The following RBFOX1 variants were observed in gnomAD, a reference collection of about 807,000 sequenced individuals.
RBFOX1 encodes the protein RNA binding fox-1 homolog 1.
RBFOX1 carries 8 observed loss-of-function variants against 57.7 expected under a neutral mutation model. The observed-to-expected ratio is 0.14, with a 90% CI of 0.08 to 0.25. The LOEUF (loss-of-function observed/expected upper bound fraction) is 0.25. Ranked by LOEUF, RBFOX1 falls within the 10% of genes least tolerant of loss-of-function variation. The pLI is 1.00. For synonymous variants in RBFOX1, 326 were observed against 222.4 expected (o/e 1.47, Z -4.15); for missense variants, 611 against 548.5 (o/e 1.11, Z -1.14).
intron 4 of RBFOX1, among the ~76,000 whole-genome samples, chr16:7,064,627 C>G (rs2055483448): frequency 6.6e-6 from 1 of 152,188 alleles, no homozygotes; most frequent in Non-Finnish European, 1.5e-5. Context: ...TGGCCTCCAG[C>G]ACTGTGGGGA....
chr16:5,787,008 T>A (rs1228826374), intron 3 of RBFOX1, among the ~76,000 whole-genome samples: 1 of 152,144 alleles, frequency 6.6e-6, no homozygotes, highest in African/African-American at 2.4e-5. Context: ...CGGTGGCAGA[T>A]GCCTGTAATC....
intron 4 of RBFOX1, among the ~76,000 whole-genome samples, chr16:6,012,696 T>G (rs7192521): frequency 0.26 from 40,029 of 152,116 alleles, 5,422 homozygotes; most frequent in East Asian, 0.37. Context: ...GCCCGTTGAT[T>G]TAGCAGCTTC....
At chr16:6,655,107 C>T (rs573236706) in intron 3 of RBFOX1, among the ~76,000 whole-genome samples, 26 of 151,822 alleles carry the variant, frequency 1.7e-4, no homozygotes, top group Admixed American at 5.2e-4. Flanking sequence ...GGTGTGGTGG[C>T]TCATGCCTAT....
intron 3 of RBFOX1, among the ~76,000 whole-genome samples, chr16:5,606,060 C>T (rs913054763): frequency 4.6e-5 from 7 of 152,112 alleles, no homozygotes; most frequent in Non-Finnish European, 1.0e-4. Context: ...AGAGGTTGCC[C>T]GTGGCATGTC....
At chr16:6,967,037 C>T (rs117490186) in intron 3 of RBFOX1, among the ~76,000 whole-genome samples, 2,632 of 152,212 alleles carry the variant, frequency 0.017, 35 homozygotes, top group Middle Eastern at 0.034. Flanking sequence ...CTTATCTGTA[C>T]GTGCATCCAC....
At chr16:6,373,715 T>C (rs1202214084) in intron 2 of RBFOX1, among the ~76,000 whole-genome samples, 1 of 152,084 alleles carries the variant, frequency 6.6e-6, no homozygotes, top group African/African-American at 2.4e-5. Context: ...GGTTAGGGGA[T>C]GGTTGGATGA....
chr16:5,522,155 T>A (rs1456779186), intron 2 of RBFOX1, among the ~76,000 whole-genome samples: 1 of 152,230 alleles, frequency 6.6e-6, no homozygotes, highest in African/African-American at 2.4e-5. Context: ...GCTCAGCTCC[T>A]CTCCATTTTG....
chr16:5,339,470 G>GTTTTTTTTTTTTTT lies in RBFOX1; in HGVS notation c.219+99382_219+99395dup, dbSNP rs560472298. On this transcript the variant is annotated intron_variant, in intron 1 of 2. Coordinates refer to the RBFOX1 transcript ENST00000585867. ...AAAAGCTAGAAGCTGCTTTTTCCGT[G>GTTTTTTTTTTTTTT]TTTTTTTTTTTTTTTTTTTTTTTTT... Among the ~76,000 whole-genome samples, 392 of 40,886 alleles carry GTTTTTTTTTTTTTT rather than the reference G, an allele frequency of 9.6e-3. 130 individuals carry two copies. Among genetic ancestry groups the GTTTTTTTTTTTTTT allele is most frequent in the Non-Finnish European group, 0.013 (296 of 22,196 alleles). 26.8% of individuals were successfully genotyped at this position (40,886 alleles called of 152,430 possible).
At chr16:7,276,051 A>G (rs1186380780) in intron 4 of RBFOX1, among the ~76,000 whole-genome samples, 1 of 152,230 alleles carries the variant, frequency 6.6e-6, no homozygotes, top group Non-Finnish European at 1.5e-5. Context: ...TTCTGATTGA[A>G]AAGGCAATAA....
At chr16:7,688,252 T>TGA (rs1394417264) in intron 14 of RBFOX1, among the ~76,000 whole-genome samples, 3 of 109,914 alleles carry the variant, frequency 2.7e-5, no homozygotes, top group African/African-American at 1.0e-4. Flanking sequence ...TGTGTGTGTG[T>TGA]GTGTGTGTGA....
intron 3 of RBFOX1, among the ~76,000 whole-genome samples, chr16:6,868,158 C>G (rs1480120090): frequency 6.6e-6 from 1 of 152,024 alleles, no homozygotes; most frequent in Non-Finnish European, 1.5e-5. Context: ...ATAATTATTC[C>G]TATATTTTTT....
At chr16:5,886,447 A>G (rs945240266) in intron 4 of RBFOX1, among the ~76,000 whole-genome samples, 1 of 152,240 alleles carries the variant, frequency 6.6e-6, no homozygotes, top group Non-Finnish European at 1.5e-5. Context: ...TTGGCGTATG[A>G]ATTCTTCTGA....
intron 1 of RBFOX1, among the ~76,000 whole-genome samples, chr16:6,261,400 T>G (rs962328409): frequency 2.6e-5 from 4 of 152,218 alleles, no homozygotes; most frequent in African/African-American, 9.6e-5. Context: ...AAAAGCAACT[T>G]CCAAACAACT....
intron 1 of RBFOX1, among the ~76,000 whole-genome samples, chr16:6,112,316 C>T (rs1277445499): frequency 1.3e-5 from 2 of 152,130 alleles, no homozygotes; most frequent in East Asian, 1.9e-4. Flanking sequence ...AAATGTTTAT[C>T]CGATATGTGC....
At chr16:5,676,114 G>C (rs992657879) in intron 3 of RBFOX1, among the ~76,000 whole-genome samples, 2 of 152,120 alleles carry the variant, frequency 1.3e-5, no homozygotes, top group African/African-American at 2.4e-5. Context: ...GGGGGAGGGA[G>C]AGCATTAGGA....
At chr16:5,386,581 C>G (rs903458297) in intron 1 of RBFOX1, among the ~76,000 whole-genome samples, 3 of 152,144 alleles carry the variant, frequency 2.0e-5, no homozygotes, top group Non-Finnish European at 2.9e-5. Flanking sequence ...CAGCCCCACT[C>G]TCTCTTAACC....
intron 3 of RBFOX1, among the ~76,000 whole-genome samples, chr16:6,677,998 A>G (rs1448077440): frequency 2.0e-5 from 3 of 152,234 alleles, no homozygotes. Context: ...GTAATGTTAC[A>G]TTTTCTAGTA....
At chr16:5,454,868 TTCTTTCTTTCTTTC>T (rs1310444423) in intron 1 of RBFOX1, among the ~76,000 whole-genome samples, 5 of 76,498 alleles carry the variant, frequency 6.5e-5, no homozygotes, top group Non-Finnish European at 1.2e-4. Context: ...CTTTCTTTCT[TTCTTTCTTTCTTTC>T]TTTCTTTCTT....
chr16:6,570,597 C>T (rs2097331815), intron 2 of RBFOX1, among the ~76,000 whole-genome samples: 1 of 152,038 alleles, frequency 6.6e-6, no homozygotes, highest in African/African-American at 2.4e-5. Context: ...TATTGTTTAT[C>T]TGTATCTCTA....
Sources: gnomAD v4.1 joint callset for allele counts (sites outside exome capture counted in the v4.1 genomes callset) on GRCh38, gnomAD v4.1.1 for gene constraint, MANE v1.5 for transcripts, NCBI Gene and HGNC (gene_info 2026-07-23, HGNC 2026-07-21) for gene names.